Variants in HHAT observed in about 807,000 individuals in gnomAD.
HHAT encodes hedgehog acyltransferase, also known as protein-cysteine N-palmitoyltransferase HHAT.
In HHAT, 47 loss-of-function variants were observed where a neutral mutation model predicts 70.8. The ratio of observed to expected loss-of-function variants is 0.66; its 90% CI spans 0.53 to 0.85. The LOEUF (loss-of-function observed/expected upper bound fraction) is 0.85, where lower values mean the gene tolerates loss of function less well. HHAT is among the 40% of genes least tolerant of loss of function. HHAT has a pLI of 0.00. For missense variants in HHAT, 609 were observed against 604.8 expected (o/e 1.01, Z -0.07); for synonymous variants, 228 against 247.6 (o/e 0.92, Z 0.74).
At chr1:210,408,533 G>A (rs777807130) in intron 6 of HHAT, among the ~76,000 whole-genome samples, 5 of 152,120 alleles carry the variant, frequency 3.3e-5, no homozygotes, top group South Asian at 2.1e-4. Flanking sequence ...GTAATTCTAG[G>A]GTAGTTTAGG....
intron 10 of HHAT, among the ~76,000 whole-genome samples, chr1:210,614,331 G>A (rs1281683977): frequency 6.6e-6 from 1 of 152,034 alleles, no homozygotes; most frequent in Non-Finnish European, 1.5e-5. Context: ...TTTTGTACAT[G>A]TAATCTGTGA....
At chr1:210,357,104 G>A (rs1292497921) in intron 2 of HHAT, among the ~76,000 whole-genome samples, 3 of 152,182 alleles carry the variant, frequency 2.0e-5, no homozygotes, top group African/African-American at 7.2e-5. Context: ...TGTTATCTAT[G>A]GCCAGGGTCT....
intron 8 of HHAT, among the ~76,000 whole-genome samples, chr1:210,506,347 G>A (rs551405393): frequency 9.2e-5 from 14 of 152,276 alleles, no homozygotes; most frequent in Admixed American, 2.6e-4. Context: ...CCTGAAACAC[G>A]AACTTGGAAA....
intron 10 of HHAT, among the ~76,000 whole-genome samples, chr1:210,591,177 T>C (rs1235436667): frequency 6.6e-6 from 1 of 152,128 alleles, no homozygotes; most frequent in African/African-American, 2.4e-5. Flanking sequence ...TAGCTATATT[T>C]TTGTGCTCAT....
At chr1:210,636,428 T>G (rs1303409993) in intron 11 of HHAT, among the ~76,000 whole-genome samples, 1 of 152,228 alleles carries the variant, frequency 6.6e-6, no homozygotes, top group Non-Finnish European at 1.5e-5. Flanking sequence ...GACTTATTGC[T>G]TTTGTCAGGC....
chr1:210,616,139 C>T (rs1186552986), intron 10 of HHAT, among the ~76,000 whole-genome samples: 2 of 152,148 alleles, frequency 1.3e-5, no homozygotes, highest in Admixed American at 6.5e-5. Flanking sequence ...TGTGGAATGG[C>T]TTAATTAAGC....
intron 3 of HHAT, among the ~76,000 whole-genome samples, chr1:210,383,196 C>G (rs887901386): frequency 5.3e-5 from 8 of 152,006 alleles, no homozygotes; most frequent in South Asian, 2.1e-4. Flanking sequence ...AAAAATTAGC[C>G]AGGTGTGGTG....
At chr1:210,601,970 AGTGTGT>A (rs10646355) in intron 10 of HHAT, among the ~76,000 whole-genome samples, 2 of 149,366 alleles carry the variant, frequency 1.3e-5, no homozygotes, top group Non-Finnish European at 3.0e-5. Flanking sequence ...TGTGTGTGAG[AGTGTGT>A]GTGTGTGTGT....
chr1:210,668,024 G>A (rs1679279583), intron 11 of HHAT, among the ~76,000 whole-genome samples: 1 of 151,992 alleles, frequency 6.6e-6, no homozygotes, highest in African/African-American at 2.4e-5. Flanking sequence ...GTGTGTCTGT[G>A]AATTTGATTA....
intron 8 of HHAT, among the ~76,000 whole-genome samples, chr1:210,486,204 TA>T (rs1207724208): frequency 4.6e-5 from 7 of 152,190 alleles, no homozygotes; most frequent in Non-Finnish European, 8.8e-5. Context: ...GATAGAAGTG[TA>T]ATCAGGATGT....
intron 3 of HHAT, among the ~76,000 whole-genome samples, chr1:210,364,372 A>C (rs1259575238): frequency 2.0e-5 from 3 of 152,124 alleles, no homozygotes; most frequent in African/African-American, 4.8e-5. Flanking sequence ...TCTCAGATCT[A>C]CTCTTTACGA....
chr1:210,534,352 C>T (rs1379947459), intron 9 of HHAT, among the ~76,000 whole-genome samples: 1 of 152,178 alleles, frequency 6.6e-6, no homozygotes, highest in Non-Finnish European at 1.5e-5. Context: ...TGATTATTCA[C>T]ACTACACGGT....
chr1:210,358,644 T>G (rs1279337892), intron 2 of HHAT, among the ~76,000 whole-genome samples: 1 of 152,192 alleles, frequency 6.6e-6, no homozygotes, highest in East Asian at 1.9e-4. Context: ...ATTGTACTCA[T>G]GGCTTCCTGG....
At chr1:210,390,804 A>G (rs1278134003) in intron 4 of HHAT, among the ~76,000 whole-genome samples, 1 of 152,204 alleles carries the variant, frequency 6.6e-6, no homozygotes, top group African/African-American at 2.4e-5. Flanking sequence ...TCCAGCTCCA[A>G]CCAAGTTGCT....
intron 1 of HHAT, among the ~76,000 whole-genome samples, chr1:210,333,775 AC>A (rs891729551): frequency 1.3e-5 from 2 of 151,700 alleles, no homozygotes; most frequent in African/African-American, 4.8e-5. Flanking sequence ...CTCATGCCTC[AC>A]CCACCCCAGT....
chr1:210,480,048 T>A (rs2094369286), intron 8 of HHAT, among the ~76,000 whole-genome samples: 1 of 152,156 alleles, frequency 6.6e-6, no homozygotes, highest in South Asian at 2.1e-4. Flanking sequence ...CTGTATAAAT[T>A]AAGGTTCATG....
intron 8 of HHAT, among the ~76,000 whole-genome samples, chr1:210,479,863 T>C (rs1191645678): frequency 6.6e-6 from 1 of 152,210 alleles, no homozygotes; most frequent in Non-Finnish European, 1.5e-5. Flanking sequence ...TGTAATGATG[T>C]AGTCTAGAGA....
chr1:210,412,210 G>A (rs896137170), intron 6 of HHAT, among the ~76,000 whole-genome samples: 6 of 152,026 alleles, frequency 3.9e-5, no homozygotes, highest in Admixed American at 1.3e-4. Context: ...TGGGGGTTAG[G>A]ATTTCAACAT....
chr1:210,651,219 C>T (rs917298194), intron 11 of HHAT, among the ~76,000 whole-genome samples: 2 of 152,204 alleles, frequency 1.3e-5, no homozygotes, highest in Admixed American at 1.3e-4. Flanking sequence ...AGAATTATTG[C>T]CTCTCCACAG....
Sources: gnomAD v4.1 joint callset for allele counts (sites outside exome capture counted in the v4.1 genomes callset) on GRCh38, gnomAD v4.1.1 for gene constraint, MANE v1.5 for transcripts, NCBI Gene and HGNC (gene_info 2026-07-23, HGNC 2026-07-21) for gene names.